The following ADORA2B variants were observed in gnomAD, a reference collection of about 807,000 sequenced individuals.
ADORA2B encodes the protein adenosine A2b receptor.
In ADORA2B, 18 loss-of-function variants were observed where a neutral mutation model predicts 20.8. The ratio of observed to expected loss-of-function variants is 0.87; its 90% CI spans 0.60 to 1.29. The LOEUF is 1.29. ADORA2B is among the 50% of genes most tolerant of loss of function. The pLI is 0.00. For missense variants in ADORA2B, 441 were observed against 422.7 expected (o/e 1.04, Z -0.38); for synonymous variants, 179 against 178.3 (o/e 1.00, Z -0.03).
rs2151613610 is a variant in ADORA2B, at chr17:15,975,409, T to C, written c.*67T>C. The stretch of plus-strand genomic sequence containing the variant: ...AGAAACAAAGAGGACACGGCTGGTT[T>C]TCATTGTGAAAGATAGCTACACCTC... On this transcript the variant is annotated 3_prime_UTR_variant, in exon 2 of 2. Coordinates refer to ENST00000304222, the MANE Select transcript of ADORA2B (RefSeq NM_000676.4). 3 of 1,517,840 alleles carry C rather than the reference T, an allele frequency of 2.0e-6. No homozygotes were observed. Among genetic ancestry groups the C allele is most frequent in the South Asian group, 2.5e-5 (2 of 79,966 alleles). The allele number at this position is 1,517,840 out of a possible 1,614,324, so 94.0% of individuals were successfully genotyped here.
chr17:15,962,864 C>T (rs941241137), intron 1 of ADORA2B, among the ~76,000 whole-genome samples: 5 of 152,220 alleles, frequency 3.3e-5, no homozygotes, highest in Non-Finnish European at 7.3e-5. Context: ...AGAGAGGGCC[C>T]TTACAAGGTC....
At position 15,975,349 on chromosome 17, in the gene ADORA2B, C is replaced by G; in HGVS notation, c.*7C>G. The G allele has an allele frequency of 6.2e-7, 1 of 1,601,176 alleles. No individual in the cohort carries two copies. The highest frequency in any genetic ancestry group is 8.5e-7 in the Non-Finnish European group (1 of 1,175,332). On this transcript the variant is annotated 3_prime_UTR_variant, in exon 2 of 2. Coordinates refer to ENST00000304222, the MANE Select transcript of ADORA2B (RefSeq NM_000676.4). ...TCTCGGTGTGGGCCTATGATCTAGG[C>G]TCTCGCCTCTTCCAGGAGAAGATAC... is the stretch of plus-strand genomic sequence containing the variant.
intron 1 of ADORA2B, among the ~76,000 whole-genome samples, chr17:15,948,384 A>G (rs542777223): frequency 0.014 from 113 of 8,310 alleles, 3 homozygotes; most frequent in African/African-American, 0.017. Context: ...ACAATTCCTG[A>G]TGTTGGGCCC....
At chr17:15,918,988 A>C in the ADORA2B span, among the ~76,000 whole-genome samples, 1 of 152,100 alleles carries the variant, frequency 6.6e-6, no homozygotes, top group Non-Finnish European at 1.5e-5. Context: ...CTGAGCCCCC[A>C]CCACCAACAT....
chr17:15,935,710 C>G, the ADORA2B span, among the ~76,000 whole-genome samples: 9 of 151,912 alleles, frequency 5.9e-5, no homozygotes, highest in African/African-American at 9.7e-5. Flanking sequence ...TCTCCAAGGT[C>G]TCTGAAACTG....
the ADORA2B span, among the ~76,000 whole-genome samples, chr17:15,907,312 C>T: frequency 6.6e-6 from 1 of 151,984 alleles, no homozygotes; most frequent in Non-Finnish European, 1.5e-5. Context: ...AATTTTTTAG[C>T]ATCACCAGGA....
chr17:15,862,955 A>G, the ADORA2B span, among the ~76,000 whole-genome samples: 1 of 152,168 alleles, frequency 6.6e-6, no homozygotes, highest in Non-Finnish European at 1.5e-5. Context: ...AGGATTTATG[A>G]AAGTCTGAAT....
At chr17:15,924,767 T>C in the ADORA2B span, among the ~76,000 whole-genome samples, 3 of 151,926 alleles carry the variant, frequency 2.0e-5, no homozygotes, top group Non-Finnish European at 2.9e-5. Context: ...GTAGTATTTA[T>C]GGTATATATC....
At chr17:15,896,131 A>T in the ADORA2B span, among the ~76,000 whole-genome samples, 2 of 152,204 alleles carry the variant, frequency 1.3e-5, no homozygotes, top group African/African-American at 4.8e-5. Context: ...CTGCATAGAG[A>T]CCTTAGATTA....
At chr17:15,900,622 AT>A in the ADORA2B span, among the ~76,000 whole-genome samples, 4 of 151,280 alleles carry the variant, frequency 2.6e-5, no homozygotes, top group Non-Finnish European at 5.9e-5. Flanking sequence ...AATTAAAAAA[AT>A]TTTTTTTGTA....
the ADORA2B span, among the ~76,000 whole-genome samples, chr17:15,905,648 T>C: frequency 2.7e-5 from 4 of 149,556 alleles, no homozygotes; most frequent in Non-Finnish European, 4.4e-5. Flanking sequence ...CTAAATGAGC[T>C]ACTGCACCCA....
the ADORA2B span, among the ~76,000 whole-genome samples, chr17:15,921,380 T>G: frequency 1.3e-5 from 2 of 152,220 alleles, no homozygotes; most frequent in Non-Finnish European, 2.9e-5. Flanking sequence ...TCTGGAGATA[T>G]TATCCCTCTT....
chr17:15,913,545 T>C, the ADORA2B span, among the ~76,000 whole-genome samples: 1 of 152,244 alleles, frequency 6.6e-6, no homozygotes, highest in East Asian at 1.9e-4. Flanking sequence ...TTTGTCATTT[T>C]TCCTTCTTTC....
chr17:15,932,494 A>T, the ADORA2B span, among the ~76,000 whole-genome samples: 1 of 151,228 alleles, frequency 6.6e-6, no homozygotes, highest in Non-Finnish European at 1.5e-5. Context: ...CTCTCTCAAA[A>T]AAAAAAAAAA....
chr17:15,892,739 G>C, the ADORA2B span, among the ~76,000 whole-genome samples: 1 of 151,230 alleles, frequency 6.6e-6, no homozygotes, highest in Admixed American at 6.6e-5. Flanking sequence ...AGAGGACCTC[G>C]GCAAAGGTGA....
At chr17:15,944,591 C>A (rs62072054), upstream of ADORA2B, among the ~76,000 whole-genome samples, 2,074 of 152,146 alleles carry the variant, frequency 0.014, 28 homozygotes, top group Admixed American at 0.036. This position sits in a 1 kb window ranked among gnomAD's most constrained non-coding sequence, Gnocchi z 4.8. Flanking sequence ...CCCCCGAGGG[C>A]TCCTTGCAGT....
chr17:15,948,184 C>T (rs373469110), intron 1 of ADORA2B, among the ~76,000 whole-genome samples: 193 of 52,390 alleles, frequency 3.7e-3, no homozygotes, highest in African/African-American at 7.3e-3. Flanking sequence ...GGCCTGTGGC[C>T]GCAGAGACCA....
Position 15,975,507 on chromosome 17 carries a change from G to GTA in ADORA2B, c.*166_*167dup. The GTA allele has an allele frequency of 3.1e-6, 2 of 651,114 alleles. No homozygotes were observed. Among genetic ancestry groups the GTA allele is most frequent in the South Asian group, 2.0e-5 (1 of 50,770 alleles). The allele number at this position is 651,114 out of a possible 1,614,324, so 40.3% of individuals were successfully genotyped here. ...GTATCTAGCTAATATGTATGTGTCA[G>GTA]TAGTAGGCTCCAAGGATTGACAAAT... On this transcript the variant is annotated 3_prime_UTR_variant, in exon 2 of 2. Transcript: ENST00000304222.
At chr17:15,896,616 TTAG>T in the ADORA2B span, among the ~76,000 whole-genome samples, 2 of 152,218 alleles carry the variant, frequency 1.3e-5, no homozygotes, top group Non-Finnish European at 2.9e-5. Flanking sequence ...GCTTAAACCA[TTAG>T]TAGTTTCAGG....
Sources: allele counts gnomAD v4.1 joint callset (sites outside exome capture counted in the v4.1 genomes callset), GRCh38; gene constraint gnomAD v4.1.1; non-coding constraint Gnocchi (gnomAD v3.1); transcripts MANE v1.5; gene names NCBI Gene and HGNC (gene_info 2026-07-23, HGNC 2026-07-21).